BLNK: variants seen among roughly 807,000 people sequenced by gnomAD.
BLNK encodes the protein B-cell linker protein.
BLNK carries 29 observed loss-of-function variants against 73.5 expected under a neutral mutation model. That is an observed-to-expected ratio of 0.39 (90% confidence interval 0.29 to 0.54). The LOEUF (loss-of-function observed/expected upper bound fraction) is 0.54. BLNK is among the 20% of genes least tolerant of loss of function. The pLI is 0.61. For synonymous variants in BLNK, 176 were observed against 200.8 expected, an observed-to-expected ratio of 0.88 and a Z score of 1.04; for missense variants, 460 against 562.8, an observed-to-expected ratio of 0.82 and a Z score of 1.85.
chr10:96,267,049 C>T (rs1326082110), intron 1 of BLNK, among the ~76,000 whole-genome samples: 20 of 152,282 alleles, frequency 1.3e-4, no homozygotes, highest in East Asian at 1.9e-4. Flanking sequence ...TAGAATCAGC[C>T]CTGTTGGGCC....
intron 6 of BLNK, among the ~76,000 whole-genome samples, chr10:96,217,131 A>G (rs587749929): frequency 2.0e-5 from 3 of 152,328 alleles, no homozygotes; most frequent in African/African-American, 7.2e-5. Flanking sequence ...TTCCTGTGGT[A>G]TAGTATGTAT....
At chr10:96,201,736 C>A (rs1413744749) in intron 13 of BLNK, among the ~76,000 whole-genome samples, 4 of 75,864 alleles carry the variant, frequency 5.3e-5, no homozygotes, top group Non-Finnish European at 1.3e-4. Context: ...AAAGACTTAT[C>A]TGCATTCATT....
chr10:96,268,079 A>G (rs577888592), intron 1 of BLNK, among the ~76,000 whole-genome samples: 23 of 152,298 alleles, frequency 1.5e-4, no homozygotes, highest in African/African-American at 5.5e-4. Flanking sequence ...ATACTCTTTA[A>G]TCAATAAGAT....
intron 1 of BLNK, among the ~76,000 whole-genome samples, chr10:96,263,978 G>A (rs530123142): frequency 2.6e-5 from 4 of 152,332 alleles, no homozygotes; most frequent in South Asian, 4.1e-4. Flanking sequence ...TTGATCTGGA[G>A]CAGGGACTTG....
intron 1 of BLNK, among the ~76,000 whole-genome samples, chr10:96,261,603 G>A (rs1225372310): frequency 6.6e-6 from 1 of 152,150 alleles, no homozygotes; most frequent in Non-Finnish European, 1.5e-5. Flanking sequence ...TGTGAAATCT[G>A]AAGTCCTGCC....
At chr10:96,213,945 T>C (rs2084004815) in intron 8 of BLNK, among the ~76,000 whole-genome samples, 1 of 152,190 alleles carries the variant, frequency 6.6e-6, no homozygotes, top group Admixed American at 6.5e-5. Context: ...TTGTGGGTTC[T>C]GAGGAGAGGT....
At chr10:96,269,434 A>C (rs80106405) in intron 1 of BLNK, among the ~76,000 whole-genome samples, 4,250 of 150,462 alleles carry the variant, frequency 0.028, 81 homozygotes, top group Non-Finnish European at 0.041. Context: ...AAAAAAAAAA[A>C]CATTTGGAAT....
At chr10:96,227,285 G>A (rs1183259256) in intron 5 of BLNK, 125 bp downstream of exon 5, 26 of 1,287,292 alleles carry the variant, frequency 2.0e-5, no homozygotes, top group Admixed American at 1.3e-4. Context: ...TGGAGGTGGC[G>A]GGAGCGGGCG....
chr10:96,204,349 C>A, intron 12 of BLNK, 183 bp downstream of exon 12: 1 of 742,260 alleles, frequency 1.3e-6, no homozygotes, highest in East Asian at 2.7e-5. Context: ...ATTAGTAGGT[C>A]TCTGCAACTC....
chr10:96,261,593 T>C (rs1253242083), intron 1 of BLNK, among the ~76,000 whole-genome samples: 2 of 152,188 alleles, frequency 1.3e-5, no homozygotes, highest in Non-Finnish European at 2.9e-5. Flanking sequence ...ATGAAGATGA[T>C]GTGAAATCTG....
Position 96,234,569 on chromosome 10 carries a change from T to G in BLNK, c.164-3735A>C, listed in dbSNP as rs587720750. ...AATTTAATATTGTTTAAAGCTTCAT[T>G]TCCTCACCCGTAAAGCAAGGATAAG... On this transcript the variant is annotated intron_variant, in intron 3 of 16. Transcript: ENST00000224337. Among the ~76,000 whole-genome samples, 137 of 152,332 alleles carry G rather than the reference T, an allele frequency of 9.0e-4. 2 individuals carry two copies. In the South Asian group the frequency reaches 0.027, roughly 30 times the overall value.
chr10:96,199,049 T>C (rs1337947697), intron 15 of BLNK, among the ~76,000 whole-genome samples: 2 of 152,122 alleles, frequency 1.3e-5, no homozygotes, highest in Admixed American at 6.5e-5. Context: ...GTAAACACGA[T>C]TTTTCCTCAG....
chr10:96,246,918 T>G, intron 2 of BLNK, 66 bp downstream of exon 2: 1 of 1,247,216 alleles, frequency 8.0e-7, no homozygotes, highest in Non-Finnish European at 1.1e-6. Flanking sequence ...AGAAATTTGT[T>G]TTCTTCCATG....
Position 96,200,602 on chromosome 10 carries a change from A to C in BLNK, c.1011+380T>G, listed in dbSNP as rs1247524781. ...TATATTTGTATGGAAACTTAGAAAGACTTGCCCAAGGGCACACAGAGTCCT... is the reference window on the plus strand; with the variant it reads ...TATATTTGTATGGAAACTTAGAAAGCCTTGCCCAAGGGCACACAGAGTCCT... On this transcript the variant is annotated intron_variant, in intron 14 of 16. Coordinates refer to ENST00000224337, the MANE Select transcript of BLNK (RefSeq NM_013314.4). The surrounding 1 kb of genome is among the most constrained non-coding windows in gnomAD (Gnocchi z 4.3). 6.6e-6 allele frequency among the ~76,000 whole-genome samples: 1 copy of C among 152,242 alleles called. No homozygotes were observed. Among genetic ancestry groups the C allele is most frequent in the Non-Finnish European group, 1.5e-5 (1 of 68,036 alleles).
At chr10:96,192,733 A>G (rs1357613769) in intron 16 of BLNK, among the ~76,000 whole-genome samples, 5 of 152,178 alleles carry the variant, frequency 3.3e-5, no homozygotes, top group African/African-American at 9.6e-5. Context: ...TTAATTTAAA[A>G]TTATCACAAA....
chr10:96,261,854 TA>T (rs1215669604), intron 1 of BLNK, among the ~76,000 whole-genome samples: 14 of 152,190 alleles, frequency 9.2e-5, no homozygotes, highest in Admixed American at 8.5e-4. Flanking sequence ...TTTTTATGCT[TA>T]AAAAATTATT....
At chr10:96,196,787 G>T in intron 16 of BLNK, 121 bp downstream of exon 16, 1 of 944,802 alleles carries the variant, frequency 1.1e-6, no homozygotes, top group Non-Finnish European at 1.6e-6. Flanking sequence ...TGACATTTAT[G>T]CAAGCATTAG....
intron 15 of BLNK, among the ~76,000 whole-genome samples, chr10:96,199,055 C>T (rs1471271093): frequency 2.0e-4 from 31 of 152,106 alleles, no homozygotes; most frequent in Non-Finnish European, 4.4e-5. Flanking sequence ...ACGATTTTTC[C>T]TCAGAATCTA....
intron 1 of BLNK, among the ~76,000 whole-genome samples, chr10:96,265,265 T>C (rs1554913965): frequency 1.3e-5 from 2 of 151,994 alleles, no homozygotes; most frequent in African/African-American, 4.8e-5. Flanking sequence ...ATTGCAGGAA[T>C]GACTCTCTAC....
Sources: allele counts gnomAD v4.1 joint callset (sites outside exome capture counted in the v4.1 genomes callset), GRCh38; gene constraint gnomAD v4.1.1; non-coding constraint Gnocchi (gnomAD v3.1); transcripts MANE v1.5; gene names NCBI Gene and HGNC (gene_info 2026-07-23, HGNC 2026-07-21).